Variants in ZNF385B observed in about 807,000 individuals in gnomAD.
ZNF385B encodes the protein zinc finger protein 533.
Under a neutral mutation model 39.2 loss-of-function variants are expected in ZNF385B, and 23 were observed. The ratio of observed to expected loss-of-function variants is 0.59; its 90% CI spans 0.42 to 0.83. The LOEUF (loss-of-function observed/expected upper bound fraction) is 0.83, where lower values mean the gene tolerates loss of function less well. ZNF385B is among the 40% of genes least tolerant of loss of function. The probability of loss-of-function intolerance (pLI) is 0.00; values close to 1 mark genes in which losing one functional copy is unlikely to be tolerated. For missense variants in ZNF385B, 552 were observed against 598.9 expected (o/e 0.92, Z 0.82); for synonymous variants, 205 against 222.6 (o/e 0.92, Z 0.70).
chr2:179,509,255 A>G (rs2057483014), intron 5 of ZNF385B, among the ~76,000 whole-genome samples: 1 of 152,198 alleles, frequency 6.6e-6, no homozygotes, highest in African/African-American at 2.4e-5. Context: ...GATAAGTTTA[A>G]TATCAATCCT....
chr2:179,678,238 G>A (rs1031839759), intron 3 of ZNF385B, among the ~76,000 whole-genome samples: 1 of 152,072 alleles, frequency 6.6e-6, no homozygotes, highest in East Asian at 1.9e-4. Context: ...TCACACCTAC[G>A]CTCCTGTGCC....
intron 5 of ZNF385B, among the ~76,000 whole-genome samples, chr2:179,506,789 T>G (rs1206858814): frequency 6.6e-6 from 1 of 152,126 alleles, no homozygotes; most frequent in African/African-American, 2.4e-5. Context: ...TGAAAATGCC[T>G]TTTTCCTAGA....
At chr2:179,731,877 C>G (rs1486220717) in intron 3 of ZNF385B, among the ~76,000 whole-genome samples, 1 of 152,188 alleles carries the variant, frequency 6.6e-6, no homozygotes, top group East Asian at 1.9e-4. Context: ...CACACCAGGC[C>G]CTCTGCAACC....
intron 1 of ZNF385B, among the ~76,000 whole-genome samples, chr2:179,827,168 T>C (rs953350088): frequency 6.6e-6 from 1 of 152,198 alleles, no homozygotes. Context: ...ATGATAGGCA[T>C]GCAGGGGAGA....
chr2:179,511,322 T>C (rs2057666173), intron 5 of ZNF385B, among the ~76,000 whole-genome samples: 1 of 152,178 alleles, frequency 6.6e-6, no homozygotes, highest in South Asian at 2.1e-4. Context: ...TAAGGCCTTC[T>C]AAATGGCAGA....
At chr2:179,769,428 G>T in intron 3 of ZNF385B, 75 bp downstream of exon 3, 1 of 1,579,854 alleles carries the variant, frequency 6.3e-7, no homozygotes, top group Non-Finnish European at 8.6e-7. Flanking sequence ...ATTAAGTCTT[G>T]TTCTAAATCC....
intron 4 of ZNF385B, among the ~76,000 whole-genome samples, chr2:179,530,365 T>C (rs1041395028): frequency 6.6e-6 from 1 of 152,208 alleles, no homozygotes; most frequent in African/African-American, 2.4e-5. Context: ...AAAAAAACAC[T>C]GGTGCTAAAT....
rs1337178017 is a variant in ZNF385B, at chr2:179,782,374, A to G, written c.-154-11702T>C. Among the ~76,000 whole-genome samples the G allele has an allele frequency of 2.0e-5, 3 of 152,124 alleles. No homozygotes were observed. The East Asian group carries it at 5.8e-4, about 29-fold the overall frequency. ...CCATCTATGACAAACCCACAGCAAC[A>G]TTTTACTGAATGGGCAAAAGCTGGA... On this transcript the variant is annotated intron_variant, in intron 1 of 9. Coordinates refer to ENST00000410066, the MANE Select transcript of ZNF385B (RefSeq NM_152520.6).
chr2:179,694,227 A>C (rs1206225604), intron 3 of ZNF385B, among the ~76,000 whole-genome samples: 2 of 152,218 alleles, frequency 1.3e-5, no homozygotes, highest in Non-Finnish European at 2.9e-5. Context: ...TCAGGTCTAA[A>C]CTTCAATACT....
chr2:179,560,376 G>C (rs554285436), intron 3 of ZNF385B, among the ~76,000 whole-genome samples: 1 of 152,102 alleles, frequency 6.6e-6, no homozygotes, highest in African/African-American at 2.4e-5. Context: ...AGTTCCCTTT[G>C]CTTTAAAAGA....
intron 1 of ZNF385B, among the ~76,000 whole-genome samples, chr2:179,787,331 A>G (rs1453518554): frequency 1.3e-5 from 2 of 151,938 alleles, no homozygotes; most frequent in Non-Finnish European, 2.9e-5. Context: ...AAAATTCTTA[A>G]TATTTAAAAA....
At chr2:179,636,637 G>A (rs1336787603) in intron 3 of ZNF385B, among the ~76,000 whole-genome samples, 4 of 152,184 alleles carry the variant, frequency 2.6e-5, no homozygotes, top group African/African-American at 9.7e-5. Flanking sequence ...GGCCCCTGAA[G>A]TTTAAGCTTC....
chr2:179,757,205 T>C (rs887734621), intron 3 of ZNF385B, among the ~76,000 whole-genome samples: 5 of 152,254 alleles, frequency 3.3e-5, no homozygotes, highest in Admixed American at 6.5e-5. Context: ...GCTGCAGGTC[T>C]GTTGGAGTTT....
At position 179,545,861 on chromosome 2, in the gene ZNF385B, C is replaced by T. The variant is rs574354952; in HGVS notation, c.299-892G>A. Among the ~76,000 whole-genome samples, 4 of 152,002 alleles carry T rather than the reference C, an allele frequency of 2.6e-5. No individual in the cohort carries two copies. In the East Asian group the frequency reaches 7.8e-4, roughly 30 times the overall value. On this transcript the variant is annotated intron_variant, in intron 3 of 9. Coordinates refer to ENST00000410066, the MANE Select transcript of ZNF385B (RefSeq NM_152520.6). ...ATCACCTCAGGGTAAATGAAGTATC[C>T]ATCCCCTCAAGCATTTATCCTTTCT...
chr2:179,805,133 C>T (rs1706270465), intron 1 of ZNF385B, among the ~76,000 whole-genome samples: 1 of 152,146 alleles, frequency 6.6e-6, no homozygotes, highest in Non-Finnish European at 1.5e-5. Flanking sequence ...TCTTCACTTT[C>T]TGTTCTTGGA....
At chr2:179,483,200 G>T in intron 6 of ZNF385B, 72 bp downstream of exon 6, 1 of 1,546,300 alleles carries the variant, frequency 6.5e-7, no homozygotes, top group Non-Finnish European at 8.9e-7. Context: ...ACAACTGAGG[G>T]CAGGAAAACG....
chr2:179,638,944 G>A (rs1184547855), intron 3 of ZNF385B, among the ~76,000 whole-genome samples: 1 of 151,982 alleles, frequency 6.6e-6, no homozygotes, highest in Non-Finnish European at 1.5e-5. Context: ...AATGGTCAGG[G>A]TCAGTGGCTC....
chr2:179,540,625 C>G (rs933595207), intron 4 of ZNF385B, among the ~76,000 whole-genome samples: 2 of 152,024 alleles, frequency 1.3e-5, no homozygotes, highest in Admixed American at 6.6e-5. Context: ...CATTGAAAAC[C>G]AAGGAACTGG....
intron 5 of ZNF385B, among the ~76,000 whole-genome samples, chr2:179,508,607 T>A (rs1350656295): frequency 6.6e-6 from 1 of 152,226 alleles, no homozygotes; most frequent in Non-Finnish European, 1.5e-5. Context: ...GTTATTAATG[T>A]TTGATCAGCA....
Sources: gnomAD v4.1 joint callset for allele counts (sites outside exome capture counted in the v4.1 genomes callset) on GRCh38, gnomAD v4.1.1 for gene constraint, MANE v1.5 for transcripts, NCBI Gene and HGNC (gene_info 2026-07-23, HGNC 2026-07-21) for gene names.